The following PTPRD variants were observed in gnomAD, a reference collection of about 807,000 sequenced individuals.
PTPRD encodes the protein receptor-type tyrosine-protein phosphatase delta.
In PTPRD, 34 loss-of-function variants were observed where a neutral mutation model predicts 214.5. That is an observed-to-expected ratio of 0.16 (90% CI 0.12 to 0.21). The LOEUF is 0.21. PTPRD is among the 10% of genes least tolerant of loss of function. The probability of loss-of-function intolerance (pLI) is 1.00; values close to 1 mark genes in which losing one functional copy is unlikely to be tolerated. For synonymous variants in PTPRD, 1,128 were observed against 845.7 expected, an observed-to-expected ratio of 1.33 and a Z score of -5.79; for missense variants, 2,545 against 2,398.7, an observed-to-expected ratio of 1.06 and a Z score of -1.27.
At chr9:10,538,126 G>T (rs1328323532) in intron 2 of PTPRD, among the ~76,000 whole-genome samples, 3 of 151,922 alleles carry the variant, frequency 2.0e-5, no homozygotes. Flanking sequence ...TTGAATCACA[G>T]TGCCTATCCC....
intron 10 of PTPRD, among the ~76,000 whole-genome samples, chr9:9,132,880 G>A (rs2099844909): frequency 6.6e-6 from 1 of 152,180 alleles, no homozygotes; most frequent in Admixed American, 6.5e-5. Context: ...CTATATAAAA[G>A]AAGGAGAATG....
intron 5 of PTPRD, among the ~76,000 whole-genome samples, chr9:9,816,316 T>A (rs538029588): frequency 4.6e-5 from 7 of 152,064 alleles, no homozygotes; most frequent in Non-Finnish European, 1.0e-4. Context: ...TAAAGACCTA[T>A]AATGTATATT....
chr9:9,526,738 A>G (rs540464520), intron 8 of PTPRD, among the ~76,000 whole-genome samples: 3 of 152,168 alleles, frequency 2.0e-5, no homozygotes, highest in East Asian at 1.9e-4. Flanking sequence ...GCATTTCACA[A>G]TCTTTGTGGA....
intron 14 of PTPRD, among the ~76,000 whole-genome samples, chr9:8,580,044 A>G (rs2092905946): frequency 6.6e-6 from 1 of 152,220 alleles, no homozygotes. Flanking sequence ...TCATTCCACA[A>G]ATTATTGACC....
intron 4 of PTPRD, among the ~76,000 whole-genome samples, chr9:9,974,303 G>C (rs2095269884): frequency 6.6e-6 from 1 of 152,126 alleles, no homozygotes; most frequent in African/African-American, 2.4e-5. Context: ...TTCTATACAA[G>C]TATGCACAGC....
intron 30 of PTPRD, among the ~76,000 whole-genome samples, chr9:8,478,305 G>T (rs991144066): frequency 1.3e-5 from 2 of 152,072 alleles, no homozygotes; most frequent in African/African-American, 2.4e-5. Context: ...GCTAATAGTG[G>T]AACACAAATC....
chr9:9,629,002 T>A (rs1051516164), intron 7 of PTPRD, among the ~76,000 whole-genome samples: 3 of 151,422 alleles, frequency 2.0e-5, no homozygotes, highest in African/African-American at 7.3e-5. Context: ...TGAAACCCCA[T>A]CTCTACCAAA....
chr9:9,960,868 C>A (rs1448236153), intron 4 of PTPRD, among the ~76,000 whole-genome samples: 1 of 152,024 alleles, frequency 6.6e-6, no homozygotes, highest in Non-Finnish European at 1.5e-5. Flanking sequence ...TCAGAGTGAA[C>A]AGGCAACCTA....
chr9:9,026,236 C>T (rs1029136887), intron 10 of PTPRD, among the ~76,000 whole-genome samples: 1 of 151,926 alleles, frequency 6.6e-6, no homozygotes, highest in Non-Finnish European at 1.5e-5. Context: ...AATGTAAAGG[C>T]TCTGGCACAG....
chr9:8,454,565 T>A, intron 33 of PTPRD: 2 of 1,613,144 alleles, frequency 1.2e-6, no homozygotes, highest in Non-Finnish European at 1.7e-6. Context: ...AAGGGGTTTG[T>A]TCTCTATTCC....
chr9:8,782,762 A>ATT (rs1454336373), intron 11 of PTPRD, among the ~76,000 whole-genome samples: 9 of 151,646 alleles, frequency 5.9e-5, no homozygotes, highest in Admixed American at 6.6e-5. Flanking sequence ...CACCTGACTA[A>ATT]TTTTTATATT....
At chr9:10,346,652 G>T (rs1244322795) in intron 2 of PTPRD, among the ~76,000 whole-genome samples, 2 of 152,176 alleles carry the variant, frequency 1.3e-5, no homozygotes, top group Non-Finnish European at 2.9e-5. Flanking sequence ...AGTGACCTCA[G>T]ATTCGAGTTG....
At chr9:8,713,108 G>T (rs921971465) in intron 12 of PTPRD, among the ~76,000 whole-genome samples, 1 of 152,170 alleles carries the variant, frequency 6.6e-6, no homozygotes, top group Non-Finnish European at 1.5e-5. Context: ...CAGAATCTGA[G>T]AGGATTAAAA....
At chr9:9,392,474 C>G (rs1237788562) in intron 9 of PTPRD, among the ~76,000 whole-genome samples, 1 of 152,128 alleles carries the variant, frequency 6.6e-6, no homozygotes, top group Non-Finnish European at 1.5e-5. Context: ...TCAGTAGATA[C>G]AAAATTACCA....
intron 11 of PTPRD, among the ~76,000 whole-genome samples, chr9:8,774,014 A>G (rs927368653): frequency 2.6e-5 from 4 of 152,086 alleles, no homozygotes; most frequent in African/African-American, 9.7e-5. Context: ...CTCAACGCGC[A>G]AAGGAGCCAT....
intron 9 of PTPRD, among the ~76,000 whole-genome samples, chr9:9,322,529 T>G (rs1966985487): frequency 6.6e-6 from 1 of 152,204 alleles, no homozygotes; most frequent in Non-Finnish European, 1.5e-5. Context: ...CCTAGGTTTA[T>G]GTAATAGACC....
intron 5 of PTPRD, among the ~76,000 whole-genome samples, chr9:9,933,216 C>A (rs531858169): frequency 6.6e-6 from 1 of 152,216 alleles, no homozygotes; most frequent in African/African-American, 2.4e-5. Flanking sequence ...GGATCAAATT[C>A]ACACATAACA....
intron 8 of PTPRD, among the ~76,000 whole-genome samples, chr9:9,485,443 T>C (rs961722009): frequency 6.6e-6 from 1 of 152,342 alleles, no homozygotes; most frequent in African/African-American, 2.4e-5. Context: ...ATCTTAAATT[T>C]TGATCACTTT....
chr9:8,951,120 C>A (rs1050503536), intron 11 of PTPRD, among the ~76,000 whole-genome samples: 12 of 102,602 alleles, frequency 1.2e-4, no homozygotes, highest in Non-Finnish European at 1.3e-4. Flanking sequence ...TGTGTTAAGG[C>A]ATTTGTTTAG....
Sources: allele counts gnomAD v4.1 joint callset (sites outside exome capture counted in the v4.1 genomes callset), GRCh38; gene constraint gnomAD v4.1.1; transcripts MANE v1.5; gene names NCBI Gene and HGNC (gene_info 2026-07-23, HGNC 2026-07-21).